The following ARB2A variants were observed in gnomAD, a reference collection of about 807,000 sequenced individuals.
The protein encoded by ARB2A is ARB2 cotranscriptional regulator A, also known as cotranscriptional regulator ARB2A.
the ARB2A span, among the ~76,000 whole-genome samples, chr5:93,696,264 C>T: frequency 6.6e-6 from 1 of 152,182 alleles, no homozygotes; most frequent in African/African-American, 2.4e-5. Flanking sequence ...CTTCCTTCTC[C>T]ATTCACATCA....
the ARB2A span, among the ~76,000 whole-genome samples, chr5:93,880,558 T>A: frequency 3.3e-5 from 5 of 151,908 alleles, no homozygotes; most frequent in Non-Finnish European, 7.4e-5. Context: ...TCTGAATTGC[T>A]CACTTTTGAG....
the ARB2A span, among the ~76,000 whole-genome samples, chr5:93,767,329 G>T: frequency 6.6e-6 from 1 of 152,136 alleles, no homozygotes. Context: ...AAACCACAAT[G>T]TGGTATCACC....
At chr5:93,821,499 A>C in the ARB2A span, among the ~76,000 whole-genome samples, 289 of 152,316 alleles carry the variant, frequency 1.9e-3, 1 homozygote, top group Middle Eastern at 3.4e-3. Context: ...TTAATATTAA[A>C]ATTTTGAATG....
At chr5:94,074,013 A>T in the ARB2A span, among the ~76,000 whole-genome samples, 3 of 152,008 alleles carry the variant, frequency 2.0e-5, no homozygotes, top group Admixed American at 6.6e-5. Flanking sequence ...CTTGTTCCTG[A>T]TTCTTAACCT....
the ARB2A span, among the ~76,000 whole-genome samples, chr5:93,857,875 C>T: frequency 6.6e-6 from 1 of 152,022 alleles, no homozygotes; most frequent in Non-Finnish European, 1.5e-5. Context: ...CTGTCTTCTG[C>T]GTCGCTCATG....
At chr5:93,693,064 G>A in the ARB2A span, among the ~76,000 whole-genome samples, 1 of 152,172 alleles carries the variant, frequency 6.6e-6, no homozygotes, top group African/African-American at 2.4e-5. Flanking sequence ...TGTTTAGAGG[G>A]AAATTTATAG....
At chr5:93,924,313 T>G in the ARB2A span, among the ~76,000 whole-genome samples, 1 of 152,216 alleles carries the variant, frequency 6.6e-6, no homozygotes, top group South Asian at 2.1e-4. Flanking sequence ...CAGAAACTGG[T>G]ATTAAATCCA....
the ARB2A span, among the ~76,000 whole-genome samples, chr5:94,019,651 G>A: frequency 6.6e-6 from 1 of 152,216 alleles, no homozygotes. Flanking sequence ...GAGAGGATGT[G>A]GAGAAACAGG....
At chr5:93,879,949 G>A in the ARB2A span, among the ~76,000 whole-genome samples, 1 of 151,648 alleles carries the variant, frequency 6.6e-6, no homozygotes, top group African/African-American at 2.4e-5. Context: ...ATTTTAACCT[G>A]TCATAAGATG....
chr5:93,875,214 T>A, the ARB2A span, among the ~76,000 whole-genome samples: 1 of 152,122 alleles, frequency 6.6e-6, no homozygotes, highest in East Asian at 1.9e-4. Context: ...AGAGCTGGAA[T>A]TCAAACTCAG....
At chr5:93,654,646 A>T in the ARB2A span, among the ~76,000 whole-genome samples, 1 of 152,100 alleles carries the variant, frequency 6.6e-6, no homozygotes, top group Non-Finnish European at 1.5e-5. Flanking sequence ...TTTTTCATAA[A>T]ATTATTTGAA....
At chr5:94,004,418 A>G in the ARB2A span, among the ~76,000 whole-genome samples, 1 of 151,880 alleles carries the variant, frequency 6.6e-6, no homozygotes, top group Non-Finnish European at 1.5e-5. Context: ...CATCTCTACT[A>G]AAAAATACAC....
the ARB2A span, among the ~76,000 whole-genome samples, chr5:93,967,417 G>A: frequency 6.6e-6 from 1 of 152,116 alleles, no homozygotes; most frequent in Non-Finnish European, 1.5e-5. Context: ...TCAGAGAAGT[G>A]AGGCCACAGA....
the ARB2A span, among the ~76,000 whole-genome samples, chr5:94,073,461 T>C: frequency 6.6e-6 from 1 of 152,022 alleles, no homozygotes; most frequent in African/African-American, 2.4e-5. Flanking sequence ...AACCTTGAAT[T>C]TGAATCCAGA....
chr5:93,659,768 C>T, the ARB2A span, among the ~76,000 whole-genome samples: 1 of 152,238 alleles, frequency 6.6e-6, no homozygotes, highest in African/African-American at 2.4e-5. Flanking sequence ...GTCAAGGACA[C>T]TCCTTCAATA....
At chr5:93,872,274 T>A in the ARB2A span, among the ~76,000 whole-genome samples, 1 of 152,092 alleles carries the variant, frequency 6.6e-6, no homozygotes, top group Non-Finnish European at 1.5e-5. Flanking sequence ...TACACATTAA[T>A]TTACATCATT....
the ARB2A span, among the ~76,000 whole-genome samples, chr5:94,064,202 A>C: frequency 5.3e-5 from 8 of 152,160 alleles, 1 homozygote; most frequent in African/African-American, 1.9e-4. Context: ...TCACTGAATG[A>C]AAGATGAAAC....
the ARB2A span, among the ~76,000 whole-genome samples, chr5:93,791,331 G>A: frequency 2.0e-5 from 3 of 152,112 alleles, no homozygotes; most frequent in Admixed American, 6.6e-5. Flanking sequence ...TTTGATCATC[G>A]TATATATAAC....
the ARB2A span, among the ~76,000 whole-genome samples, chr5:93,971,250 G>A: frequency 3.3e-5 from 5 of 151,902 alleles, no homozygotes; most frequent in South Asian, 2.1e-4. Flanking sequence ...CGCCCGCCTC[G>A]GCCTCCCAAA....
Sources: allele counts gnomAD v4.1 joint callset (sites outside exome capture counted in the v4.1 genomes callset), GRCh38; gene constraint gnomAD v4.1.1; transcripts MANE v1.5; gene names NCBI Gene and HGNC (gene_info 2026-07-23, HGNC 2026-07-21).